Variants in ITGA8 observed in about 807,000 individuals in gnomAD.
The protein encoded by ITGA8 is integrin subunit alpha 8, also known as integrin alpha-8.
In ITGA8, 91 loss-of-function variants were observed where a neutral mutation model predicts 142.3. That is an observed-to-expected ratio of 0.64 (90% CI 0.54 to 0.76). The LOEUF is 0.76. Among genes scored for constraint, ITGA8 ranks in the 30% least tolerant of loss-of-function variants. The pLI is 0.00. For missense variants in ITGA8, 1,406 were observed against 1,327.7 expected, an observed-to-expected ratio of 1.06 and a Z score of -0.92; for synonymous variants, 505 against 485.2, an observed-to-expected ratio of 1.04 and a Z score of -0.54.
intron 25 of ITGA8, among the ~76,000 whole-genome samples, chr10:15,560,121 T>TA (rs1048739404): frequency 5.4e-4 from 80 of 148,330 alleles, no homozygotes; most frequent in African/African-American, 1.5e-3. Flanking sequence ...CATTGCTAAT[T>TA]AAAAAAAAAA....
At chr10:15,578,124 G>A (rs1834333723) in intron 23 of ITGA8, among the ~76,000 whole-genome samples, 2 of 152,008 alleles carry the variant, frequency 1.3e-5, no homozygotes, top group Admixed American at 1.3e-4. Context: ...ACATAGTCAA[G>A]AACACTTCTA....
At chr10:15,590,873 A>G (rs1363539558) in intron 22 of ITGA8, among the ~76,000 whole-genome samples, 1 of 152,232 alleles carries the variant, frequency 6.6e-6, no homozygotes, top group African/African-American at 2.4e-5. Context: ...TAAATTCAAG[A>G]AAGATTTCAT....
At chr10:15,534,527 T>C (rs1295688307) in intron 27 of ITGA8, among the ~76,000 whole-genome samples, 1 of 152,220 alleles carries the variant, frequency 6.6e-6, no homozygotes, top group East Asian at 1.9e-4. Flanking sequence ...TGAACACATC[T>C]AATGCTTTGG....
intron 13 of ITGA8, among the ~76,000 whole-genome samples, chr10:15,639,261 A>G (rs1252441879): frequency 6.6e-6 from 1 of 152,188 alleles, no homozygotes; most frequent in African/African-American, 2.4e-5. Flanking sequence ...TGTAAAGAAT[A>G]AATGAAATGC....
chr10:15,556,156 A>G (rs1018479761), intron 26 of ITGA8, among the ~76,000 whole-genome samples: 3 of 149,492 alleles, frequency 2.0e-5, no homozygotes, highest in Admixed American at 6.8e-5. Flanking sequence ...TCTCCTGAGT[A>G]GCTGGGATTA....
In ITGA8 at chr10:15,683,989, A is replaced by G; in HGVS notation, c.568+15T>C. 2 of 1,613,920 alleles carry G rather than the reference A, an allele frequency of 1.2e-6. No homozygotes were observed. The highest frequency in any genetic ancestry group is 8.5e-7 in the Non-Finnish European group (1 of 1,179,922). Reference sequence around the variant, plus strand: ...CTTGAGCTAATGTCAGTTTCAAGGAATAAAAGTTGCTTACTGTTCCGGCAA... The same window carrying G: ...CTTGAGCTAATGTCAGTTTCAAGGAGTAAAAGTTGCTTACTGTTCCGGCAA... On this transcript the variant is annotated intron_variant, in intron 4 of 29. Transcript: ENST00000378076.
Position 15,613,652 on chromosome 10 carries a change from T to G in ITGA8, c.1553+8A>C. The G allele has an allele frequency of 6.4e-7, 1 of 1,573,510 alleles. No homozygotes were observed. The highest frequency in any genetic ancestry group is 8.7e-7 in the Non-Finnish European group (1 of 1,143,236). The stretch of plus-strand genomic sequence containing the variant: ...CATTGGAGTTTGAGAAGCACCGGAC[T>G]AACTCACCAGGCAGCAGATGTCATA... On this transcript the variant is annotated splice_region_variant and intron_variant, in intron 15 of 29. Transcript: ENST00000378076.
chr10:15,619,705 C>CT (rs142189790), intron 13 of ITGA8, among the ~76,000 whole-genome samples: 33,691 of 151,610 alleles, frequency 0.22, 3,952 homozygotes, highest in Admixed American at 0.32. Context: ...CAGATTGGTA[C>CT]TTTTTTTTTC....
chr10:15,536,688 G>A (rs1203198558), intron 27 of ITGA8, among the ~76,000 whole-genome samples: 1 of 152,180 alleles, frequency 6.6e-6, no homozygotes, highest in Non-Finnish European at 1.5e-5. Context: ...TGCCCCAGCT[G>A]GCTATTAATC....
intron 27 of ITGA8, among the ~76,000 whole-genome samples, chr10:15,544,875 AG>A (rs1833639667): frequency 6.6e-6 from 1 of 152,192 alleles, no homozygotes; most frequent in African/African-American, 2.4e-5. Flanking sequence ...TCGCCATGTT[AG>A]GAGATCGCTC....
chr10:15,568,012 A>C (rs1412863618), intron 25 of ITGA8, among the ~76,000 whole-genome samples: 1 of 152,206 alleles, frequency 6.6e-6, no homozygotes, highest in African/African-American at 2.4e-5. Flanking sequence ...TTCTGGGTTC[A>C]AGTAATTCTC....
intron 25 of ITGA8, among the ~76,000 whole-genome samples, chr10:15,564,696 G>A (rs187669243): frequency 1.3e-5 from 2 of 152,292 alleles, no homozygotes; most frequent in African/African-American, 4.8e-5. Flanking sequence ...CGGAAATGTG[G>A]CATTTGAAAA....
chr10:15,567,813 T>C (rs1005461146), intron 25 of ITGA8, among the ~76,000 whole-genome samples: 2 of 152,198 alleles, frequency 1.3e-5, no homozygotes, highest in Non-Finnish European at 2.9e-5. Context: ...CCCAGGCTGT[T>C]GCCCACCCTT....
rs775507778 is a variant in ITGA8 at position 15,613,750 on chromosome 10, G to A, written c.1463C>T (p.Thr488Ile). The change falls in exon 15 of 30, where the codon ACT becomes ATT. Residue 488 changes from threonine (T) to isoleucine (I), a missense_variant. Thr to Ile is a moderately conservative substitution (Grantham distance 89). Coordinates refer to ENST00000378076, the MANE Select transcript of ITGA8 (RefSeq NM_003638.3). ...GTGCAGCAGAAGCTGGGCATCTACAGTCACAACCGGTCTTGCTCTGCGGGG... is the reference window on the plus strand; with the variant it reads ...GTGCAGCAGAAGCTGGGCATCTACAATCACAACCGGTCTTGCTCTGCGGGG... ...VAVYRARPVV[T>I]VDAQLLLHPM... 6.2e-7 allele frequency: 1 copy of A among 1,613,634 alleles called. No homozygotes were observed. Among genetic ancestry groups the A allele is most frequent in the African/African-American group, 1.3e-5 (1 of 75,020 alleles).
In ITGA8 at chr10:15,542,099, G is replaced by T. The variant is rs532524981; in HGVS notation, c.2880+6356C>A. On this transcript the variant is annotated intron_variant, in intron 27 of 29. Coordinates refer to ENST00000378076, the MANE Select transcript of ITGA8 (RefSeq NM_003638.3). ...GCCAATGACACTGTTATGGGGCAAA[G>T]GGGGCCTAATTCTTACTTTACGAGG... Among the ~76,000 whole-genome samples the T allele has an allele frequency of 1.4e-4, 22 of 152,268 alleles. No homozygotes were observed. In the East Asian group the frequency reaches 4.2e-3, roughly 29 times the overall value.
chr10:15,652,462 T>TC (rs1554782112), intron 11 of ITGA8, among the ~76,000 whole-genome samples: 57 of 150,460 alleles, frequency 3.8e-4, no homozygotes, highest in African/African-American at 1.2e-3. Context: ...TTTTTTTTTT[T>TC]CCCTGATGTT....
At chr10:15,697,501 G>A (rs1025069476) in intron 2 of ITGA8, among the ~76,000 whole-genome samples, 3 of 152,142 alleles carry the variant, frequency 2.0e-5, no homozygotes, top group Admixed American at 6.6e-5. Flanking sequence ...ATAATGTCAT[G>A]AATAATACAG....
At chr10:15,623,153 C>T (rs1833523784) in intron 13 of ITGA8, among the ~76,000 whole-genome samples, 1 of 152,154 alleles carries the variant, frequency 6.6e-6, no homozygotes, top group African/African-American at 2.4e-5. Context: ...ATATTCTAAA[C>T]ATTTTAAATA....
At chr10:15,629,345 G>A (rs1357547672) in intron 13 of ITGA8, among the ~76,000 whole-genome samples, 2 of 151,908 alleles carry the variant, frequency 1.3e-5, no homozygotes, top group Non-Finnish European at 1.5e-5. Context: ...TTTCACCACG[G>A]CAATGTAAAT....
Sources: allele counts gnomAD v4.1 joint callset (sites outside exome capture counted in the v4.1 genomes callset), GRCh38; gene constraint gnomAD v4.1.1; transcripts MANE v1.5; gene names NCBI Gene and HGNC (gene_info 2026-07-23, HGNC 2026-07-21).